CNTNAP2: variants seen among roughly 807,000 people sequenced by gnomAD.
The protein encoded by CNTNAP2 is contactin associated protein 2.
In CNTNAP2, 98 loss-of-function variants were observed where a neutral mutation model predicts 155.2. The ratio of observed to expected loss-of-function variants is 0.63; its 90% CI spans 0.54 to 0.75. CNTNAP2 has a LOEUF of 0.75. Ranked by LOEUF, CNTNAP2 falls within the 30% of genes least tolerant of loss-of-function variation. CNTNAP2 has a pLI of 0.00. For missense variants in CNTNAP2, 1,727 were observed against 1,688.1 expected (o/e 1.02, Z -0.40); for synonymous variants, 651 against 631.2 (o/e 1.03, Z -0.47).
intron 15 of CNTNAP2, among the ~76,000 whole-genome samples, chr7:148,019,699 C>T (rs57995398): frequency 0.31 from 47,318 of 151,746 alleles, 7,636 homozygotes; most frequent in East Asian, 0.5. Flanking sequence ...TCAAGTGATC[C>T]GCCTGCCTTG....
At chr7:148,042,437 A>G in intron 15 of CNTNAP2, among the ~76,000 whole-genome samples, 1 of 152,146 alleles carries the variant, frequency 6.6e-6, no homozygotes, top group East Asian at 1.9e-4. Flanking sequence ...TTCTGGTTCT[A>G]AGCGTGTTAG....
At chr7:148,178,325 T>C (rs1192654840) in intron 18 of CNTNAP2, among the ~76,000 whole-genome samples, 1 of 152,198 alleles carries the variant, frequency 6.6e-6, no homozygotes, top group Non-Finnish European at 1.5e-5. Flanking sequence ...GGGAGTTCTG[T>C]TTTCTTCTCA....
intron 3 of CNTNAP2, among the ~76,000 whole-genome samples, chr7:147,025,716 C>T (rs1157224443): frequency 6.6e-6 from 1 of 151,822 alleles, no homozygotes; most frequent in Non-Finnish European, 1.5e-5. Flanking sequence ...AAGGCAAAAC[C>T]CATCAAACTT....
intron 22 of CNTNAP2, among the ~76,000 whole-genome samples, chr7:148,390,386 G>A (rs1157320789): frequency 6.6e-6 from 1 of 152,188 alleles, no homozygotes; most frequent in African/African-American, 2.4e-5. Flanking sequence ...AATTATTACT[G>A]TGTTTTGAAT....
At chr7:147,968,702 A>G (rs1486972842) in intron 14 of CNTNAP2, among the ~76,000 whole-genome samples, 1 of 152,210 alleles carries the variant, frequency 6.6e-6, no homozygotes, top group African/African-American at 2.4e-5. Flanking sequence ...TTTTAAGAAC[A>G]TGAAATCACC....
chr7:147,386,123 C>T (rs958610355), intron 9 of CNTNAP2, among the ~76,000 whole-genome samples: 2 of 152,098 alleles, frequency 1.3e-5, no homozygotes, highest in Non-Finnish European at 2.9e-5. Context: ...ACACAGGGCA[C>T]CAAGTCTCTA....
intron 13 of CNTNAP2, among the ~76,000 whole-genome samples, chr7:147,668,206 G>A (rs1795730785): frequency 6.6e-6 from 1 of 152,124 alleles, no homozygotes; most frequent in African/African-American, 2.4e-5. Flanking sequence ...CACAGTGAAA[G>A]GTTTAGAAGT....
chr7:147,569,306 T>C (rs1584820726), intron 12 of CNTNAP2, among the ~76,000 whole-genome samples: 1 of 152,166 alleles, frequency 6.6e-6, no homozygotes, highest in Non-Finnish European at 1.5e-5. Flanking sequence ...AATGGGTCAC[T>C]GAGGTGGTGG....
intron 15 of CNTNAP2, among the ~76,000 whole-genome samples, chr7:148,088,681 T>G (rs1803783272): frequency 6.6e-6 from 1 of 151,884 alleles, no homozygotes; most frequent in African/African-American, 2.4e-5. Flanking sequence ...AAGCCTCCTA[T>G]CAAAGAAAAT....
intron 2 of CNTNAP2, among the ~76,000 whole-genome samples, chr7:146,822,002 G>A (rs1467048567): frequency 4.0e-5 from 6 of 151,824 alleles, no homozygotes; most frequent in African/African-American, 1.2e-4. Flanking sequence ...AAATCATGCT[G>A]CTATAAAGAC....
intron 2 of CNTNAP2, among the ~76,000 whole-genome samples, chr7:146,827,500 CTT>C (rs768738396): frequency 2.5e-4 from 36 of 141,818 alleles, no homozygotes; most frequent in African/African-American, 6.1e-4. Context: ...AATGTTTTTA[CTT>C]TTTTTTTTTT....
intron 13 of CNTNAP2, among the ~76,000 whole-genome samples, chr7:147,802,141 T>G (rs1476347440): frequency 5.1e-5 from 6 of 117,286 alleles, no homozygotes; most frequent in Admixed American, 1.7e-4. Context: ...CCAGACGGGG[T>G]CGCGGCCGGG....
At chr7:146,357,358 G>A (rs191656870) in intron 1 of CNTNAP2, among the ~76,000 whole-genome samples, 51 of 151,600 alleles carry the variant, frequency 3.4e-4, no homozygotes, top group African/African-American at 1.2e-3. Context: ...ATAAAATAAT[G>A]TCTGATAGGA....
chr7:146,760,467 C>T (rs1035541695), intron 1 of CNTNAP2, among the ~76,000 whole-genome samples: 2 of 115,314 alleles, frequency 1.7e-5, no homozygotes, highest in African/African-American at 3.5e-5. Flanking sequence ...CTCTGTTGCC[C>T]AAGCTGGAAT....
intron 13 of CNTNAP2, among the ~76,000 whole-genome samples, chr7:147,838,870 C>A (rs926294895): frequency 6.6e-6 from 1 of 152,084 alleles, no homozygotes; most frequent in African/African-American, 2.4e-5. Context: ...CAGTAGGGCT[C>A]CACTCTACTT....
intron 13 of CNTNAP2, among the ~76,000 whole-genome samples, chr7:147,677,496 T>G (rs1250424015): frequency 6.6e-6 from 1 of 151,998 alleles, no homozygotes; most frequent in African/African-American, 2.4e-5. Context: ...ATTGTTTCCT[T>G]TGCTGTAGAA....
chr7:146,822,050 T>A (rs1803295907), intron 2 of CNTNAP2, among the ~76,000 whole-genome samples: 1 of 152,088 alleles, frequency 6.6e-6, no homozygotes, highest in African/African-American at 2.4e-5. Context: ...CTATTCACAG[T>A]AGCAAAGACT....
At chr7:148,087,513 A>G (rs554135669) in intron 15 of CNTNAP2, among the ~76,000 whole-genome samples, 36 of 152,282 alleles carry the variant, frequency 2.4e-4, no homozygotes, top group Middle Eastern at 3.4e-3. Flanking sequence ...TCAGTCAACC[A>G]TAATTCATGC....
chr7:147,127,944 T>C (rs1340321074), intron 6 of CNTNAP2, among the ~76,000 whole-genome samples: 1 of 152,152 alleles, frequency 6.6e-6, no homozygotes, highest in Non-Finnish European at 1.5e-5. Context: ...CAATTTTGTA[T>C]CATATAAATT....
Sources: allele counts gnomAD v4.1 joint callset (sites outside exome capture counted in the v4.1 genomes callset), GRCh38; gene constraint gnomAD v4.1.1; transcripts MANE v1.5; gene names NCBI Gene and HGNC (gene_info 2026-07-23, HGNC 2026-07-21).